Variants in MOB4 observed in about 807,000 individuals in gnomAD.
MOB4 encodes MOB-like protein phocein.
A neutral mutation model predicts 32.2 loss-of-function variants in MOB4; 4 were observed. The ratio of observed to expected loss-of-function variants is 0.12; its 90% CI spans 0.06 to 0.28. The LOEUF (loss-of-function observed/expected upper bound fraction) is 0.28. MOB4 is among the 10% of genes least tolerant of loss of function. The pLI is 1.00. For synonymous variants in MOB4, 88 were observed against 88.1 expected (o/e 1.00, Z 0.01); for missense variants, 158 against 271.2 (o/e 0.58, Z 2.93).
chr2:197,515,880 G>A (rs2086399239), upstream of MOB4: 1 of 563,944 alleles, frequency 1.8e-6, no homozygotes, highest in Non-Finnish European at 3.1e-6. Context: ...CCTGCCAGTA[G>A]CCACCCGACG....
At chr2:197,549,078 A>G (rs1356787024) in intron 6 of MOB4, among the ~76,000 whole-genome samples, 1 of 152,100 alleles carries the variant, frequency 6.6e-6, no homozygotes, top group Non-Finnish European at 1.5e-5. Context: ...AAAATACAAA[A>G]TGATCTGGGC....
intron 6 of MOB4, among the ~76,000 whole-genome samples, chr2:197,549,793 C>T (rs1179375823): frequency 3.3e-5 from 5 of 150,646 alleles, no homozygotes; most frequent in Admixed American, 3.3e-4. Context: ...TCAGATGATC[C>T]ACCTGCCTTG....
At chr2:197,532,989 C>G (rs1242518438) in intron 2 of MOB4, among the ~76,000 whole-genome samples, 2 of 151,952 alleles carry the variant, frequency 1.3e-5, no homozygotes, top group Non-Finnish European at 2.9e-5. Context: ...ATCCCGGCTA[C>G]TTGGAAGGCT....
At chr2:197,541,652 G>C (rs1293295657) in intron 5 of MOB4, among the ~76,000 whole-genome samples, 1 of 152,182 alleles carries the variant, frequency 6.6e-6, no homozygotes, top group Non-Finnish European at 1.5e-5. Context: ...GGGCGCGGTG[G>C]CTCACGCCTG....
chr2:197,533,983 A>T (rs1334700715), intron 2 of MOB4: 2 of 531,252 alleles, frequency 3.8e-6, no homozygotes, highest in Non-Finnish European at 7.3e-6. Flanking sequence ...TTTACATGAG[A>T]TGGCACACAT....
intron 2 of MOB4, among the ~76,000 whole-genome samples, chr2:197,525,709 CAAAAAAAAA>C (rs368659222): frequency 4.6e-5 from 3 of 64,624 alleles, no homozygotes; most frequent in African/African-American, 1.5e-4. Context: ...GACCCTATCT[CAAAAAAAAA>C]AAAAAAAAAG....
At position 197,542,022 on chromosome 2, in the gene MOB4, C is replaced by T. The variant is rs576469545; in HGVS notation, c.354+1585C>T. On this transcript the variant is annotated intron_variant, in intron 5 of 7. Coordinates refer to ENST00000323303, the MANE Select transcript of MOB4 (RefSeq NM_015387.5). ...TAATTCACTGAAGTTGGCTACTTAA[C>T]GTAGTGAATGATGTGATTATTGCAA... Among the ~76,000 whole-genome samples the T allele has an allele frequency of 3.9e-5, 6 of 152,318 alleles. No homozygotes were observed. In the East Asian group the frequency reaches 5.8e-4, roughly 15 times the overall value.
chr2:197,552,564 A>C lies in MOB4; in HGVS notation c.*1918A>C, dbSNP rs2087115367. The C allele has an allele frequency of 6.6e-6, 1 of 152,120 alleles. No individual in the cohort carries two copies. The highest frequency in any genetic ancestry group is 1.5e-5 in the Non-Finnish European group (1 of 67,984). The allele number at this position is 152,120 out of a possible 1,614,324, so 9.4% of individuals were successfully genotyped here. ...ATGATTTTTTTTTCTTACTCATTTCACCTTCCCTGTACTGTATGTTTGGAA... is the reference window on the plus strand; with the variant it reads ...ATGATTTTTTTTTCTTACTCATTTCCCCTTCCCTGTACTGTATGTTTGGAA... On this transcript the variant is annotated 3_prime_UTR_variant, in exon 8 of 8. Transcript: ENST00000323303.
At chr2:197,516,396 C>T (rs1336861070) in intron 1 of MOB4, 7 of 1,399,038 alleles carry the variant, frequency 5.0e-6, no homozygotes, top group Non-Finnish European at 6.5e-6. Flanking sequence ...GTGGTACCTG[C>T]CTGCCGAAGC....
At chr2:197,529,508 C>T (rs1011672355) in intron 2 of MOB4, among the ~76,000 whole-genome samples, 24 of 151,000 alleles carry the variant, frequency 1.6e-4, no homozygotes, top group Admixed American at 9.9e-4. Context: ...CATGCCGCCA[C>T]AGCCGCCTCA....
chr2:197,543,568 T>TA (rs1332824327), intron 5 of MOB4, among the ~76,000 whole-genome samples: 1 of 152,142 alleles, frequency 6.6e-6, no homozygotes, highest in Non-Finnish European at 1.5e-5. Context: ...GATGAACCTT[T>TA]AAAATCCAGT....
chr2:197,539,762 T>A (rs2086866165), intron 3 of MOB4, among the ~76,000 whole-genome samples: 1 of 152,214 alleles, frequency 6.6e-6, no homozygotes, highest in Admixed American at 6.5e-5. Flanking sequence ...TCTGATTATT[T>A]CATTACAATA....
intron 5 of MOB4, 50 bp downstream of exon 5, chr2:197,540,487 C>G (rs1367853358): frequency 4.0e-6 from 6 of 1,488,428 alleles, no homozygotes; most frequent in Non-Finnish European, 5.4e-6. Context: ...TAGCCTAAAT[C>G]TCTCTCAAGA....
rs2106142127 is a variant in MOB4, at chr2:197,550,680, A to G, written c.*34A>G. 6.4e-7 allele frequency: 1 copy of G among 1,561,028 alleles called. No individual in the cohort carries two copies. The highest frequency in any genetic ancestry group is 8.6e-7 in the Non-Finnish European group (1 of 1,160,620). On this transcript the variant is annotated 3_prime_UTR_variant, in exon 8 of 8. Coordinates refer to ENST00000323303, the MANE Select transcript of MOB4 (RefSeq NM_015387.5). ...ATAGGAAAAATGTACTGATCATATA[A>G]TTAACATTATGTACTGTATATATCA...
At chr2:197,518,629 C>T (rs1240719065) in intron 1 of MOB4, among the ~76,000 whole-genome samples, 1 of 151,622 alleles carries the variant, frequency 6.6e-6, no homozygotes, top group Non-Finnish European at 1.5e-5. Flanking sequence ...GTGGCACGAT[C>T]GCAGCTCACT....
rs527657480 is a variant in MOB4, at chr2:197,520,166, G to A, written c.61-3458G>A. ...TACTATATATGCATTATATCCATAA[G>A]TATGCCTTGCACTTAAACTTTTTTT... On this transcript the variant is annotated intron_variant, in intron 1 of 7. Transcript: ENST00000323303. Among the ~76,000 whole-genome samples, 14 of 151,126 alleles carry A rather than the reference G, an allele frequency of 9.3e-5. No homozygotes were observed. The South Asian group carries it at 2.7e-3, about 29-fold the overall frequency.
In MOB4 at chr2:197,550,526, T is replaced by G. The variant is rs1227518176; in HGVS notation, c.558T>G (p.Phe186Leu). Residue 186 changes from phenylalanine (F) to leucine (L), a missense_variant, in exon 8 of 8, where the codon TTT becomes TTG. Coordinates refer to ENST00000323303, the MANE Select transcript of MOB4 (RefSeq NM_015387.5). ...CTTCCTCTCTACAGAATGAAACATTTTTGTGTCATCGGTTTACTAAGTTTG... is the reference window on the plus strand; with the variant it reads ...CTTCCTCTCTACAGAATGAAACATTGTTGTGTCATCGGTTTACTAAGTTTG... ...QIFDEYENET[F>L]LCHRFTKFVM... is the part of the protein sequence containing the mutation. The G allele has an allele frequency of 1.3e-6, 2 of 1,599,058 alleles. No homozygotes were observed. Among genetic ancestry groups the G allele is most frequent in the Non-Finnish European group, 1.7e-6 (2 of 1,175,246 alleles).
chr2:197,529,503 C>T (rs761396074), intron 2 of MOB4, among the ~76,000 whole-genome samples: 94 of 151,900 alleles, frequency 6.2e-4, no homozygotes, highest in African/African-American at 1.6e-3. Context: ...AGGTGCATGC[C>T]GCCACAGCCG....
chr2:197,527,721 G>A (rs1021109437), intron 2 of MOB4, among the ~76,000 whole-genome samples: 4 of 152,174 alleles, frequency 2.6e-5, no homozygotes, highest in African/African-American at 9.6e-5. Flanking sequence ...ATTTGGGTTG[G>A]AAAGGCTTTT....
Sources: allele counts gnomAD v4.1 joint callset (sites outside exome capture counted in the v4.1 genomes callset), GRCh38; gene constraint gnomAD v4.1.1; transcripts MANE v1.5; gene names NCBI Gene and HGNC (gene_info 2026-07-23, HGNC 2026-07-21).